The following FBXL14 variants were observed in gnomAD, a reference collection of about 807,000 sequenced individuals.
FBXL14 encodes the protein F-box/LRR-repeat protein 14.
Under a neutral mutation model 24.5 loss-of-function variants are expected in FBXL14, and 11 were observed. The ratio of observed to expected loss-of-function variants is 0.45; its 90% CI spans 0.28 to 0.74. The LOEUF is 0.74. Ranked by LOEUF, FBXL14 falls within the 30% of genes least tolerant of loss-of-function variation. The probability of loss-of-function intolerance (pLI) is 0.12; values close to 1 mark genes in which losing one functional copy is unlikely to be tolerated. For synonymous variants in FBXL14, 294 were observed against 240.4 expected, an observed-to-expected ratio of 1.22 and a Z score of -2.06; for missense variants, 384 against 545.6, an observed-to-expected ratio of 0.70 and a Z score of 2.95.
At chr12:1,577,394 T>A (rs1380514095) in intron 1 of FBXL14, among the ~76,000 whole-genome samples, 1 of 148,792 alleles carries the variant, frequency 6.7e-6, no homozygotes, top group Non-Finnish European at 1.5e-5. Context: ...GTCATCTAGT[T>A]GTCCTATTCT....
chr12:1,592,799 T>G (rs1031445083), intron 1 of FBXL14, 74 bp downstream of exon 1: 5 of 1,244,530 alleles, frequency 4.0e-6, no homozygotes, highest in Non-Finnish European at 4.5e-6. Flanking sequence ...TGCGTGTGAG[T>G]GTGTGGGGGC....
chr12:1,591,347 G>GT (rs34841563), intron 1 of FBXL14, among the ~76,000 whole-genome samples: 106,344 of 138,272 alleles, frequency 0.77, 41,055 homozygotes, highest in East Asian at 0.9. Context: ...CAAGGCTGTT[G>GT]TTTTTTTTTT....
At chr12:1,572,819 G>A (rs1362999678) in intron 1 of FBXL14, among the ~76,000 whole-genome samples, 4 of 150,916 alleles carry the variant, frequency 2.7e-5, no homozygotes, top group Admixed American at 6.6e-5. Context: ...AAAATGAGAA[G>A]TGATGAGGAC....
intron 1 of FBXL14, among the ~76,000 whole-genome samples, chr12:1,573,562 T>C (rs1002267227): frequency 3.9e-5 from 6 of 152,140 alleles, no homozygotes; most frequent in African/African-American, 1.4e-4. Context: ...TACCGGAGGC[T>C]CAGGCAGCTG....
intron 1 of FBXL14, among the ~76,000 whole-genome samples, chr12:1,588,448 G>C (rs758519861): frequency 3.3e-5 from 5 of 152,204 alleles, no homozygotes; most frequent in Admixed American, 1.3e-4. Context: ...TCTGACTCAT[G>C]AAAGAACATG....
intron 1 of FBXL14, 28 bp downstream of exon 1, chr12:1,592,845 G>A (rs752504101): frequency 7.2e-6 from 11 of 1,535,100 alleles, no homozygotes; most frequent in South Asian, 1.3e-5. Flanking sequence ...CGGGACAAGG[G>A]GAGCTGGTGC....
At chr12:1,590,767 A>G (rs1431796490) in intron 1 of FBXL14, among the ~76,000 whole-genome samples, 1 of 152,170 alleles carries the variant, frequency 6.6e-6, no homozygotes, top group Non-Finnish European at 1.5e-5. Context: ...GGAATGTGAA[A>G]AAGAGGGCTT....
chr12:1,574,252 C>G (rs1218103905), intron 1 of FBXL14, among the ~76,000 whole-genome samples: 1 of 127,222 alleles, frequency 7.9e-6, no homozygotes, highest in South Asian at 2.8e-4. Context: ...GATGATGAAA[C>G]CTGCCCCCTG....
chr12:1,583,444 G>A (rs1009668995), intron 1 of FBXL14, among the ~76,000 whole-genome samples: 1 of 151,788 alleles, frequency 6.6e-6, no homozygotes, highest in East Asian at 1.9e-4. Flanking sequence ...GCAGAGAGCT[G>A]CAAAATAACA....
chr12:1,578,166 C>A (rs751754826), intron 1 of FBXL14, among the ~76,000 whole-genome samples: 1 of 152,068 alleles, frequency 6.6e-6, no homozygotes, highest in Non-Finnish European at 1.5e-5. Context: ...TAATTATGTT[C>A]ATCTTGTTTT....
chr12:1,571,334 G>A (rs757494501), intron 1 of FBXL14, among the ~76,000 whole-genome samples: 4 of 151,962 alleles, frequency 2.6e-5, no homozygotes, highest in Admixed American at 6.6e-5. Flanking sequence ...TCAGCCTCTC[G>A]AGTGGCTGGG....
intron 1 of FBXL14, among the ~76,000 whole-genome samples, chr12:1,582,127 AAAAG>A (rs1199766478): frequency 3.0e-5 from 4 of 135,394 alleles, no homozygotes; most frequent in South Asian, 2.5e-4. Flanking sequence ...CTGTCGAAAG[AAAAG>A]GAAGGAAGGA....
At chr12:1,566,837 A>G (rs555138949) in intron 1 of FBXL14, 27 bp from the exon 2 acceptor site, 1 of 780,600 alleles carries the variant, frequency 1.3e-6, no homozygotes, top group East Asian at 2.4e-5. Context: ...AAAAAGGACC[A>G]TTTTGAAAGA....
intron 1 of FBXL14, among the ~76,000 whole-genome samples, chr12:1,580,534 G>C (rs577768580): frequency 3.3e-5 from 5 of 152,008 alleles, no homozygotes; most frequent in Non-Finnish European, 4.4e-5. Flanking sequence ...AAACATAGTG[G>C]GGGGGGAGGT....
At chr12:1,590,315 G>T (rs2094486632) in intron 1 of FBXL14, among the ~76,000 whole-genome samples, 1 of 152,124 alleles carries the variant, frequency 6.6e-6, no homozygotes, top group South Asian at 2.1e-4. Context: ...CAGAAAGCTT[G>T]GACATTTTAC....
At chr12:1,589,397 CAAAAAAAAAAAA>C (rs869295084) in intron 1 of FBXL14, among the ~76,000 whole-genome samples, 2 of 10,986 alleles carry the variant, frequency 1.8e-4, no homozygotes, top group African/African-American at 6.0e-4. Context: ...GACCTTGTCT[CAAAAAAAAAAAA>C]AAAAAAAAAA....
chr12:1,587,388 G>A (rs1592481019), intron 1 of FBXL14: 1 of 152,100 alleles, frequency 6.6e-6, no homozygotes, highest in African/African-American at 2.4e-5. Flanking sequence ...TATTGGGAGT[G>A]GGGGTTTAAC....
At chr12:1,578,708 G>GAT (rs1446914242) in intron 1 of FBXL14, among the ~76,000 whole-genome samples, 2 of 152,044 alleles carry the variant, frequency 1.3e-5, no homozygotes, top group African/African-American at 4.8e-5. Context: ...GCTGAAGAAT[G>GAT]ATGATGAAGA....
rs1231815732 is a variant in FBXL14, at chr12:1,567,318, AAAAG to A, written c.1195-512_1195-509del. ...TCTCTACTAAAAATAAAAATTAAAAAAAAGGAAAAGAAAGAAAAGAAAAATTAGC... is the reference window on the plus strand; with the variant it reads ...TCTCTACTAAAAATAAAAATTAAAAAGAAAAGAAAGAAAAGAAAAATTAGC... On this transcript the variant is annotated intron_variant, in intron 1 of 1. Coordinates refer to ENST00000339235, the MANE Select transcript of FBXL14 (RefSeq NM_152441.3). This position sits in a 1 kb window ranked among gnomAD's most constrained non-coding sequence, Gnocchi z 4.8. 7.2e-5 allele frequency among the ~76,000 whole-genome samples: 11 copies of A among 151,962 alleles called. No homozygotes were observed. The highest frequency in any genetic ancestry group is 2.1e-4 in the South Asian group (1 of 4,802).
Sources: allele counts gnomAD v4.1 joint callset (sites outside exome capture counted in the v4.1 genomes callset), GRCh38; gene constraint gnomAD v4.1.1; non-coding constraint Gnocchi (gnomAD v3.1); transcripts MANE v1.5; gene names NCBI Gene and HGNC (gene_info 2026-07-23, HGNC 2026-07-21).